FRMPD4: variants seen among roughly 807,000 people sequenced by gnomAD.
FRMPD4 encodes the protein FERM and PDZ domain-containing protein 4.
Under a neutral mutation model 94.1 loss-of-function variants are expected in FRMPD4, and 22 were observed. That is an observed-to-expected ratio of 0.23 (90% CI 0.17 to 0.33). FRMPD4 has a LOEUF of 0.33. FRMPD4 is among the 10% of genes least tolerant of loss of function. The pLI is 1.00. For missense variants in FRMPD4, 1,111 were observed against 1,339.9 expected (o/e 0.83, Z 2.67); for synonymous variants, 631 against 548.6 (o/e 1.15, Z -2.10).
At chrX:12,415,507 C>G (rs996705754) in intron 1 of FRMPD4, among the ~76,000 whole-genome samples, 1 of 111,682 alleles carries the variant, frequency 9.0e-6, no homozygotes, top group African/African-American at 3.3e-5. Flanking sequence ...TCTTCCAACA[C>G]CCCCTTAGGT....
chrX:12,599,654 C>T (rs926950897), intron 2 of FRMPD4, among the ~76,000 whole-genome samples: 5 of 111,708 alleles, frequency 4.5e-5, no homozygotes, highest in African/African-American at 1.6e-4. Flanking sequence ...GAGAGTGGGG[C>T]TTTTCAAGGG....
At chrX:12,053,568 A>T (rs2054837381) in intron 3 of FRMPD4, among the ~76,000 whole-genome samples, 1 of 110,717 alleles carries the variant, frequency 9.0e-6, no homozygotes, top group South Asian at 3.9e-4. Context: ...GGTGGGAAAC[A>T]GTTTCATATT....
chrX:12,357,661 A>G, intron 1 of FRMPD4, among the ~76,000 whole-genome samples: 1 of 112,108 alleles, frequency 8.9e-6, no homozygotes, highest in East Asian at 2.8e-4. Flanking sequence ...ATAGAATGAA[A>G]ACAAGTTGTG....
chrX:11,834,714 A>G (rs2053492476), intron 1 of FRMPD4, among the ~76,000 whole-genome samples: 1 of 111,950 alleles, frequency 8.9e-6, no homozygotes, highest in Non-Finnish European at 1.9e-5. Flanking sequence ...TCTTAATAAT[A>G]AGAAAGTAGA....
intron 3 of FRMPD4, among the ~76,000 whole-genome samples, chrX:11,942,978 T>C (rs2054169781): frequency 8.9e-6 from 1 of 112,151 alleles, no homozygotes; most frequent in Non-Finnish European, 1.9e-5. Flanking sequence ...GATCTATTTT[T>C]TAAAAGGAGA....
chrX:12,450,863 CAAAAAA>C (rs5901475), intron 1 of FRMPD4, among the ~76,000 whole-genome samples: 900 of 49,539 alleles, frequency 0.018, 16 homozygotes, highest in African/African-American at 0.06. Context: ...TCTATTTATC[CAAAAAA>C]AAAAAAAAAA....
chrX:11,826,410 CG>C (rs1408213468), intron 1 of FRMPD4, among the ~76,000 whole-genome samples: 2 of 111,512 alleles, frequency 1.8e-5, no homozygotes, highest in Non-Finnish European at 3.8e-5. Flanking sequence ...TGAGCTCATT[CG>C]CTCTGCCCTA....
chrX:12,281,794 A>G (rs758020131), intron 1 of FRMPD4, among the ~76,000 whole-genome samples: 10 of 111,979 alleles, frequency 8.9e-5, no homozygotes, highest in Admixed American at 8.5e-4. Flanking sequence ...TTTAATTATC[A>G]TTCCTATTGG....
chrX:12,481,810 C>T (rs1034127934), intron 1 of FRMPD4, among the ~76,000 whole-genome samples: 12 of 104,944 alleles, frequency 1.1e-4, no homozygotes, highest in African/African-American at 3.1e-4. Context: ...GGTGTGGTGG[C>T]GTACACCTGT....
At chrX:12,062,903 G>A (rs1459140570) in intron 3 of FRMPD4, among the ~76,000 whole-genome samples, 2 of 111,501 alleles carry the variant, frequency 1.8e-5, no homozygotes, top group Admixed American at 1.9e-4. Context: ...ATTTCCCAAT[G>A]TTTATGCTTA....
intron 1 of FRMPD4, among the ~76,000 whole-genome samples, chrX:11,859,960 C>T (rs573458884): frequency 2.7e-5 from 3 of 111,902 alleles, no homozygotes; most frequent in East Asian, 2.8e-4. Flanking sequence ...GTGCACTTGT[C>T]CTACCCTTTA....
intron 2 of FRMPD4, among the ~76,000 whole-genome samples, chrX:12,547,055 T>C (rs1334678798): frequency 7.1e-5 from 7 of 99,106 alleles, no homozygotes; most frequent in Non-Finnish European, 1.4e-4. Context: ...ATTAAAACAC[T>C]GATACCTGAC....
intron 1 of FRMPD4, among the ~76,000 whole-genome samples, chrX:12,356,142 GA>G (rs2055893076): frequency 1.8e-5 from 2 of 111,491 alleles, no homozygotes; most frequent in African/African-American, 3.3e-5. Context: ...TTCGGAAAAC[GA>G]AGGGCCTCAG....
chrX:12,425,530 A>G (rs1412924541), intron 1 of FRMPD4, among the ~76,000 whole-genome samples: 2 of 111,950 alleles, frequency 1.8e-5, no homozygotes, highest in African/African-American at 6.5e-5. Flanking sequence ...TGATAAGATA[A>G]CAGCTGGTAT....
chrX:12,293,685 A>G (rs1250692936), intron 1 of FRMPD4, among the ~76,000 whole-genome samples: 1 of 112,343 alleles, frequency 8.9e-6, no homozygotes, highest in Non-Finnish European at 1.9e-5. Context: ...TTTAAATTTT[A>G]TGTACCATTT....
In FRMPD4 at chrX:12,425,419, CT is replaced by C. The variant is rs980721341; in HGVS notation, c.42-73259del. 1.6e-4 allele frequency among the ~76,000 whole-genome samples: 18 copies of C among 112,204 alleles called. No homozygotes were observed. The East Asian group carries it at 5.0e-3, about 31-fold the overall frequency. ...TCCTAGAGCTCTGGGCCTACTAAACCTTGTTCCCTGTCACTATTGAGGGAAT... is the reference window on the plus strand; with the variant it reads ...TCCTAGAGCTCTGGGCCTACTAAACCTGTTCCCTGTCACTATTGAGGGAAT... On this transcript the variant is annotated intron_variant, in intron 1 of 16. Coordinates refer to ENST00000675598, the MANE Select transcript of FRMPD4 (RefSeq NM_001368397.1).
chrX:12,193,658 TG>T (rs1301779793), intron 1 of FRMPD4, among the ~76,000 whole-genome samples: 2 of 102,330 alleles, frequency 2.0e-5, no homozygotes, highest in African/African-American at 7.1e-5. Flanking sequence ...ATTAGTGAGC[TG>T]ACCGAAAAAA....
intron 3 of FRMPD4, among the ~76,000 whole-genome samples, chrX:12,129,412 A>G (rs778267878): frequency 4.7e-4 from 52 of 111,498 alleles, no homozygotes; most frequent in African/African-American, 1.7e-3. Context: ...CGAGAACAGC[A>G]TGGGGGTAAC....
chrX:12,525,632 G>A (rs1173597800), intron 2 of FRMPD4, among the ~76,000 whole-genome samples: 3 of 112,534 alleles, frequency 2.7e-5, no homozygotes, highest in Non-Finnish European at 3.8e-5. Context: ...GTCTTTGCAT[G>A]TGAACATATT....
Sources: gnomAD v4.1 joint callset for allele counts (sites outside exome capture counted in the v4.1 genomes callset) on GRCh38, gnomAD v4.1.1 for gene constraint, MANE v1.5 for transcripts, NCBI Gene and HGNC (gene_info 2026-07-23, HGNC 2026-07-21) for gene names.